GJB7: variants seen among roughly 807,000 people sequenced by gnomAD.
The protein encoded by GJB7 is gap junction protein beta 7.
For missense variants in GJB7, 253 were observed against 256.8 expected, an observed-to-expected ratio of 0.99 and a Z score of 0.10; for synonymous variants, 87 against 95.2, an observed-to-expected ratio of 0.91 and a Z score of 0.50.
At chr6:87,307,959 A>G (rs1776456659) in intron 2 of GJB7, among the ~76,000 whole-genome samples, 1 of 152,238 alleles carries the variant, frequency 6.6e-6, no homozygotes, top group South Asian at 2.1e-4. Flanking sequence ...CACAATAACA[A>G]AGACTTGGAA....
Position 87,310,606 on chromosome 6 carries a change from TAGCCATGTAATGAAA to T in GJB7, c.-28+12245_-28+12259del, listed in dbSNP as rs1174642302. On this transcript the variant is annotated intron_variant, in intron 2 of 2. Transcript: ENST00000525899. ...TCTCAGAAATCACCATTGCAGAACT[TAGCCATGTAATGAAA>T]AGCCACCTGTTCCCCCAAAACATAT... Among the ~76,000 whole-genome samples, 5 of 150,502 alleles carry T rather than the reference TAGCCATGTAATGAAA, an allele frequency of 3.3e-5. No individual in the cohort carries two copies. In the Admixed American group the frequency reaches 3.6e-4, roughly 11 times the overall value.
chr6:87,308,146 T>C (rs1268101302), intron 2 of GJB7, among the ~76,000 whole-genome samples: 1 of 151,418 alleles, frequency 6.6e-6, no homozygotes. Context: ...AAACACCGCA[T>C]GTTCTCACTT....
chr6:87,307,883 C>T (rs1278109067), intron 2 of GJB7, among the ~76,000 whole-genome samples: 3 of 152,156 alleles, frequency 2.0e-5, no homozygotes, highest in Non-Finnish European at 2.9e-5. Flanking sequence ...TGGGTATATA[C>T]CCAAAGGATT....
intron 2 of GJB7, among the ~76,000 whole-genome samples, chr6:87,320,533 C>T (rs1204352530): frequency 6.6e-6 from 1 of 152,106 alleles, no homozygotes; most frequent in East Asian, 1.9e-4. Flanking sequence ...TGTTAAGGAC[C>T]ATGGCCTGTG....
chr6:87,299,039 GTTAAAC>G lies in GJB7; in HGVS notation c.-27-14106_-27-14101del, dbSNP rs1776284650. On this transcript the variant is annotated intron_variant, in intron 2 of 2. Transcript: ENST00000525899. ...AAAGGATAAACATAAAAATATTGGA[GTTAAAC>G]TTGTTCAAGATGTTGCTAATAACAC... is the stretch of plus-strand genomic sequence containing the variant. 3 of 508,288 alleles carry G rather than the reference GTTAAAC, an allele frequency of 5.9e-6. No homozygotes were observed. The Admixed American group carries it at 6.0e-5, about 10-fold the overall frequency. 31.5% of individuals were successfully genotyped at this position (508,288 alleles called of 1,614,324 possible). A position where few individuals can be genotyped will look rare whatever the true frequency, so the allele number is the denominator to read the frequency against.
chr6:87,307,876 G>A (rs1041303880), intron 2 of GJB7, among the ~76,000 whole-genome samples: 19 of 152,134 alleles, frequency 1.2e-4, no homozygotes, highest in Non-Finnish European at 1.9e-4. Flanking sequence ...CCATTACTGG[G>A]TATATACCCA....
At chr6:87,326,201 T>A (rs1164044706) in intron 1 of GJB7, among the ~76,000 whole-genome samples, 1 of 152,208 alleles carries the variant, frequency 6.6e-6, no homozygotes, top group Non-Finnish European at 1.5e-5. Flanking sequence ...ATTTTGTTGA[T>A]CCGTTCAAAA....
At chr6:87,308,238 A>AG (rs1280692211) in intron 2 of GJB7, among the ~76,000 whole-genome samples, 1 of 140,072 alleles carries the variant, frequency 7.1e-6, no homozygotes, top group Non-Finnish European at 1.6e-5. Flanking sequence ...GGGTCGGGGG[A>AG]GGGGGGAGGG....
rs1366175495 is a variant in GJB7, at chr6:87,291,983, T to G, written c.-27-7044A>C. The G allele has an allele frequency of 4.6e-5, 7 of 152,248 alleles. No homozygotes were observed. The East Asian group carries it at 1.3e-3, about 29-fold the overall frequency. 9.4% of individuals were successfully genotyped at this position (152,248 alleles called of 1,614,324 possible). A position where few individuals can be genotyped will look rare whatever the true frequency, so the allele number is the denominator to read the frequency against. On this transcript the variant is annotated intron_variant, in intron 2 of 2. Coordinates refer to ENST00000525899, the MANE Select transcript of GJB7 (RefSeq NM_198568.3). ...TAAGAGATCCAGTCAGTTACTCATT[T>G]GATTTAAAAAAGCATGAGTTGGTTA...
At position 87,284,490 on chromosome 6, in the gene GJB7, T is replaced by C. The variant is rs780133175; in HGVS notation, c.423A>G (p.Leu141=). The C allele has an allele frequency of 3.7e-6, 6 of 1,614,000 alleles. No individual in the cohort carries two copies. In the Middle Eastern group the frequency reaches 6.6e-4, roughly 177 times the overall value. The change falls in exon 3 of 3, where the codon TTA becomes TTG. Residue 141 remains leucine (L), a synonymous_variant. Transcript: ENST00000525899. ...KTGFEIGFLV[L]FYKLYDGFSV... ...TAAAGCCATCATATAGCTTATAAAA[T>C]AAAACAAGGAAGCCAATTTCAAAAC...
chr6:87,317,270 A>C (rs1315264362), intron 2 of GJB7, among the ~76,000 whole-genome samples: 2 of 151,968 alleles, frequency 1.3e-5, no homozygotes, highest in African/African-American at 4.8e-5. Flanking sequence ...AGGCTGAGGT[A>C]CAAGAATTGC....
At position 87,306,637 on chromosome 6, in the gene GJB7, A is replaced by C. The variant is rs574822393; in HGVS notation, c.-28+16229T>G. Among the ~76,000 whole-genome samples, 1,207 of 152,196 alleles carry C rather than the reference A, an allele frequency of 7.9e-3. 7 individuals are homozygous for C. The highest frequency in any genetic ancestry group is 0.012 in the Non-Finnish European group (822 of 68,008). ...TGTGGCGATTCCTCAGGGATCTAGA[A>C]CTAGAAATACCATTTGACCCAGCCA... On this transcript the variant is annotated intron_variant, in intron 2 of 2. Transcript: ENST00000525899.
intron 1 of GJB7, among the ~76,000 whole-genome samples, chr6:87,327,137 C>A (rs549256006): frequency 1.3e-5 from 2 of 151,320 alleles, no homozygotes; most frequent in Non-Finnish European, 2.9e-5. Context: ...TTCCTCCATC[C>A]TTTTATTTTG....
chr6:87,327,551 ATTCTT>A (rs1776858933), intron 1 of GJB7, among the ~76,000 whole-genome samples: 1 of 149,948 alleles, frequency 6.7e-6, no homozygotes, highest in South Asian at 2.1e-4. Flanking sequence ...TGGGTTGAAA[ATTCTT>A]TTCTTTAAGA....
intron 1 of GJB7, among the ~76,000 whole-genome samples, chr6:87,328,165 T>C (rs1296901130): frequency 6.6e-6 from 1 of 152,228 alleles, no homozygotes; most frequent in Non-Finnish European, 1.5e-5. Context: ...TCTAAACTTT[T>C]TTCAAAGTTT....
intron 2 of GJB7, among the ~76,000 whole-genome samples, chr6:87,301,888 C>A (rs1319631901): frequency 6.6e-6 from 1 of 152,246 alleles, no homozygotes; most frequent in Non-Finnish European, 1.5e-5. Context: ...CGCTGTTCTG[C>A]AGCCTCCGCT....
At chr6:87,309,598 G>A in intron 2 of GJB7, among the ~76,000 whole-genome samples, 1 of 152,220 alleles carries the variant, frequency 6.6e-6, no homozygotes, top group Non-Finnish European at 1.5e-5. Context: ...GCTGAAGGAA[G>A]AGGCTGACAA....
chr6:87,301,018 G>T (rs1582559484), intron 2 of GJB7, among the ~76,000 whole-genome samples: 1 of 152,306 alleles, frequency 6.6e-6, no homozygotes, highest in Middle Eastern at 3.4e-3. Flanking sequence ...ATCAGAGGAT[G>T]AAAATACATT....
intron 1 of GJB7, among the ~76,000 whole-genome samples, chr6:87,327,941 G>A (rs924239343): frequency 2.0e-5 from 3 of 149,860 alleles, no homozygotes; most frequent in African/African-American, 7.5e-5. Flanking sequence ...TTTCTTGGAG[G>A]CTTTGCTTGT....
Sources: gnomAD v4.1 joint callset for allele counts (sites outside exome capture counted in the v4.1 genomes callset) on GRCh38, gnomAD v4.1.1 for gene constraint, MANE v1.5 for transcripts, NCBI Gene and HGNC (gene_info 2026-07-23, HGNC 2026-07-21) for gene names.